The following IL1RL1 variants were observed in gnomAD, a reference collection of about 807,000 sequenced individuals.
IL1RL1 encodes the protein interleukin 1 receptor like 1.
A neutral mutation model predicts 50.9 loss-of-function variants in IL1RL1; 32 were observed. That is an observed-to-expected ratio of 0.63 (90% confidence interval 0.47 to 0.84). The LOEUF (loss-of-function observed/expected upper bound fraction) is 0.84, where lower values mean the gene tolerates loss of function less well. Ranked by LOEUF, IL1RL1 falls within the 40% of genes least tolerant of loss-of-function variation. IL1RL1 has a pLI of 0.00. For synonymous variants in IL1RL1, 275 were observed against 236.0 expected (o/e 1.17, Z -1.51); for missense variants, 773 against 662.9 (o/e 1.17, Z -1.82).
chr2:102,312,594 G>T (rs980994640), intron 1 of IL1RL1, among the ~76,000 whole-genome samples: 4 of 152,070 alleles, frequency 2.6e-5, no homozygotes, highest in African/African-American at 9.7e-5. Context: ...GCAAGAAGCT[G>T]CTGGCCAAAA....
At chr2:102,341,053 C>G (rs1024567647) in intron 5 of IL1RL1, 5 of 670,332 alleles carry the variant, frequency 7.5e-6, no homozygotes, top group Non-Finnish European at 1.1e-5. Context: ...TTCAAAGCCA[C>G]ATCTGTTCTT....
At chr2:102,336,644 A>C (rs1573147648) in intron 1 of IL1RL1, among the ~76,000 whole-genome samples, 1 of 149,016 alleles carries the variant, frequency 6.7e-6, no homozygotes, top group Non-Finnish European at 1.5e-5. Flanking sequence ...TCTTAGTCAC[A>C]CTCTCCTTCT....
At chr2:102,340,889 G>T in intron 5 of IL1RL1, 61 bp downstream of exon 5, 1 of 1,341,758 alleles carries the variant, frequency 7.5e-7, no homozygotes, top group African/African-American at 1.5e-5. Flanking sequence ...TGGGAACAGC[G>T]GTGCCCTTCT....
intron 1 of IL1RL1, among the ~76,000 whole-genome samples, chr2:102,334,226 C>T (rs950359343): frequency 2.0e-5 from 3 of 152,146 alleles, no homozygotes; most frequent in Non-Finnish European, 4.4e-5. Context: ...CCCTTTTCTC[C>T]ATATCCATGC....
intron 1 of IL1RL1, among the ~76,000 whole-genome samples, chr2:102,334,051 G>C (rs1472658650): frequency 1.3e-5 from 2 of 152,174 alleles, no homozygotes; most frequent in Non-Finnish European, 2.9e-5. Context: ...CATACTAGTA[G>C]AGGTGGAGAG....
chr2:102,328,675 C>T (rs941936071), intron 1 of IL1RL1, among the ~76,000 whole-genome samples: 5 of 152,174 alleles, frequency 3.3e-5, no homozygotes, highest in African/African-American at 7.2e-5. Flanking sequence ...GTGCAAAAAT[C>T]GCAAGCATTC....
intron 6 of IL1RL1, 140 bp from the exon 7 acceptor site, chr2:102,342,896 G>C (rs757682489): frequency 2.7e-6 from 2 of 748,808 alleles, no homozygotes; most frequent in Non-Finnish European, 4.5e-6. Flanking sequence ...ATAGAAAGAG[G>C]AAGGTGCTAG....
At chr2:102,323,703 G>T (rs986164281) in intron 1 of IL1RL1, among the ~76,000 whole-genome samples, 1 of 152,060 alleles carries the variant, frequency 6.6e-6, no homozygotes, top group Non-Finnish European at 1.5e-5. Context: ...ATTCATGAGG[G>T]ATCCACCCCC....
chr2:102,322,758 C>G (rs1282056467), intron 1 of IL1RL1, among the ~76,000 whole-genome samples: 3 of 152,208 alleles, frequency 2.0e-5, no homozygotes, highest in Non-Finnish European at 2.9e-5. Context: ...ACCATCCCAA[C>G]AGCACAGAAA....
At chr2:102,335,242 G>C (rs1034811055) in intron 1 of IL1RL1, among the ~76,000 whole-genome samples, 1 of 152,164 alleles carries the variant, frequency 6.6e-6, no homozygotes, top group Non-Finnish European at 1.5e-5. Context: ...CCTGAATAGT[G>C]AGAAGCCAAA....
At position 102,338,800 on chromosome 2, in the gene IL1RL1, A is replaced by G. The variant is rs372471462; in HGVS notation, c.62-37A>G. 105 of 1,449,406 alleles carry G rather than the reference A, an allele frequency of 7.2e-5. 2 individuals are homozygous for G. The highest frequency in any genetic ancestry group is 3.4e-4 in the Admixed American group (19 of 56,066). The allele number at this position is 1,449,406 out of a possible 1,614,324, so 89.8% of individuals were successfully genotyped here. A position where few individuals can be genotyped will look rare whatever the true frequency, so the allele number is the denominator to read the frequency against. ...ATAAGAATTATGATCTTTTCATTTGATCATTTCAGGATTGTCTTTATATCT... is the reference window on the plus strand; with the variant it reads ...ATAAGAATTATGATCTTTTCATTTGGTCATTTCAGGATTGTCTTTATATCT... On this transcript the variant is annotated intron_variant, in intron 2 of 10. Transcript: ENST00000233954.
At chr2:102,343,591 C>A in intron 8 of IL1RL1, 176 bp downstream of exon 8, 1 of 1,481,380 alleles carries the variant, frequency 6.8e-7, no homozygotes, top group Non-Finnish European at 8.9e-7. Flanking sequence ...TTCCTGTTTG[C>A]TGGGAGCTTC....
Position 102,348,092 on chromosome 2 carries a change from G to C in IL1RL1, c.1117+1G>C. On this transcript the variant is annotated splice_donor_variant, in intron 9 of 10. Transcript: ENST00000233954. LOFTEE classifies it high-confidence loss of function. ...GCTAAACCTTACAAGACTAGGAATG[G>C]TAAGTGGCAAATACCAAGTTTTTCT... 1 of 1,606,894 alleles carries C rather than the reference G, an allele frequency of 6.2e-7. No homozygotes were observed. The highest frequency in any genetic ancestry group is 1.3e-5 in the African/African-American group (1 of 74,692).
intron 1 of IL1RL1, among the ~76,000 whole-genome samples, chr2:102,336,218 T>C (rs555148352): frequency 2.0e-5 from 3 of 152,332 alleles, no homozygotes; most frequent in South Asian, 4.1e-4. Context: ...GCCAGCCTTC[T>C]TGAGTTCAAA....
chr2:102,315,805 C>A (rs1332889061), intron 1 of IL1RL1, among the ~76,000 whole-genome samples: 2 of 152,160 alleles, frequency 1.3e-5, no homozygotes, highest in East Asian at 3.8e-4. Context: ...AAGTGAATAA[C>A]CTTTTCAAAA....
At chr2:102,313,991 G>A (rs1278289789) in intron 1 of IL1RL1, among the ~76,000 whole-genome samples, 1 of 152,344 alleles carries the variant, frequency 6.6e-6, no homozygotes, top group South Asian at 2.1e-4. Context: ...AGGGCGTCTG[G>A]ATTCTGAATA....
chr2:102,340,315 TA>T (rs766778729), intron 4 of IL1RL1, 43 bp downstream of exon 4: 120 of 1,502,302 alleles, frequency 8.0e-5, no homozygotes, highest in Non-Finnish European at 1.0e-4. Flanking sequence ...ATTACACAAT[TA>T]AAATAGACAC....
At chr2:102,331,020 T>A (rs555733074) in intron 1 of IL1RL1, among the ~76,000 whole-genome samples, 2 of 152,360 alleles carry the variant, frequency 1.3e-5, no homozygotes, top group East Asian at 3.9e-4. Flanking sequence ...AATAAACTTA[T>A]GTTGGCACTT....
chr2:102,338,107 A>G lies in IL1RL1; in HGVS notation c.-149-9A>G. On this transcript the variant is annotated splice_polypyrimidine_tract_variant and intron_variant, in intron 1 of 10. Coordinates refer to ENST00000233954, the MANE Select transcript of IL1RL1 (RefSeq NM_016232.5). ...TTCTGTTTATGGTTTTGTCTAACTT[A>G]TTTTTCAGTTGAGATATAGGCTACT... is the stretch of plus-strand genomic sequence containing the variant. 1 of 458,834 alleles carries G rather than the reference A, an allele frequency of 2.2e-6. No individual in the cohort carries two copies. The highest frequency in any genetic ancestry group is 4.0e-6 in the Non-Finnish European group (1 of 250,338). 28.4% of individuals were successfully genotyped at this position (458,834 alleles called of 1,614,324 possible). A position where few individuals can be genotyped will look rare whatever the true frequency, so the allele number is the denominator to read the frequency against.
Sources: allele counts gnomAD v4.1 joint callset (sites outside exome capture counted in the v4.1 genomes callset), GRCh38; gene constraint gnomAD v4.1.1; transcripts MANE v1.5; gene names NCBI Gene and HGNC (gene_info 2026-07-23, HGNC 2026-07-21).